Variants in LPO observed in about 807,000 individuals in gnomAD.
LPO encodes the protein salivary peroxidase.
Under a neutral mutation model 68.4 loss-of-function variants are expected in LPO, and 70 were observed. The observed-to-expected ratio is 1.02, with a 90% CI of 0.84 to 1.25. LPO has a LOEUF of 1.25. Ranked by LOEUF, LPO falls within the 50% of genes most tolerant of loss-of-function variation. LPO has a pLI of 0.00. For synonymous variants in LPO, 360 were observed against 357.6 expected (o/e 1.01, Z -0.08); for missense variants, 873 against 908.4 (o/e 0.96, Z 0.50).
Position 58,264,957 on chromosome 17 carries a change from G to A in LPO, c.1502G>A (p.Trp501Ter), listed in dbSNP as rs754608969. 1 of 1,614,174 alleles carries A rather than the reference G, an allele frequency of 6.2e-7. No individual in the cohort carries two copies. Among genetic ancestry groups the A allele is most frequent in the Non-Finnish European group, 8.5e-7 (1 of 1,180,024 alleles). Reference sequence around the variant, plus strand: ...CTCCACACCCTCTTCTTCAACACTTGGAGGATGGTCAAAGATGGTATGCCC... The same window carrying A: ...CTCCACACCCTCTTCTTCAACACTTAGAGGATGGTCAAAGATGGTATGCCC... ...LPLHTLFFNT[W>*]RMVKDGGIDP... The change falls in exon 10 of 13, where the codon TGG becomes TAG. Residue 501 changes from tryptophan (W) to a stop codon, truncating the protein, a stop_gained. Transcript: ENST00000262290. LOFTEE classifies it high-confidence loss of function.
chr17:58,266,107 C>A, intron 10 of LPO, 46 bp from the exon 11 acceptor site: 1 of 1,579,044 alleles, frequency 6.3e-7, no homozygotes, highest in South Asian at 1.1e-5. Context: ...ATGATGTTCC[C>A]ACTCTTCCCC....
chr17:58,249,253 G>A lies in LPO; in HGVS notation c.443+76G>A, dbSNP rs968090161. The A allele has an allele frequency of 2.4e-5, 32 of 1,320,102 alleles. No individual in the cohort carries two copies. The Admixed American group carries it at 2.8e-4, about 11-fold the overall frequency. 81.8% of individuals were successfully genotyped at this position (1,320,102 alleles called of 1,614,324 possible). Reference sequence around the variant, plus strand: ...CCCTGCCAAGGCCTTTGTCCCTTGGGCACTCTAGGCAGATCTGCCACTGCC... The same window carrying A: ...CCCTGCCAAGGCCTTTGTCCCTTGGACACTCTAGGCAGATCTGCCACTGCC... On this transcript the variant is annotated intron_variant, in intron 5 of 12. Transcript: ENST00000262290.
intron 3 of LPO, 160 bp downstream of exon 3, chr17:58,244,241 G>T: frequency 1.6e-6 from 1 of 634,408 alleles, no homozygotes; most frequent in South Asian, 1.8e-5. Flanking sequence ...AGCCCTCCAA[G>T]TACATGACAA....
chr17:58,261,417 T>C (rs8178375), intron 9 of LPO, among the ~76,000 whole-genome samples: 20,615 of 152,180 alleles, frequency 0.14, 1,351 homozygotes, highest in Middle Eastern at 0.16. Flanking sequence ...TATCTGATAT[T>C]AATATAGTCA....
Position 58,267,915 on chromosome 17 carries a change from A to T in LPO, c.2060A>T (p.Asn687Ile). 2.5e-6 allele frequency: 4 copies of T among 1,614,176 alleles called. No individual in the cohort carries two copies. The highest frequency in any genetic ancestry group is 1.1e-5 in the South Asian group (1 of 91,082). The change falls in exon 13 of 13, where the codon AAC becomes ATC. Residue 687 changes from asparagine to isoleucine, a missense_variant. Asn to Ile is a moderately radical substitution (Grantham distance 149). Transcript: ENST00000262290. The stretch of plus-strand genomic sequence containing the variant: ...GTCCCACGGGACCCATTCTGGGCCA[A>T]CAGCTACCCCTATGACTTCGTGGAT... ...TKVPRDPFWA[N>I]SYPYDFVDCS...
At chr17:58,257,214 A>G (rs1368372102) in intron 9 of LPO, among the ~76,000 whole-genome samples, 3 of 151,970 alleles carry the variant, frequency 2.0e-5, no homozygotes, top group African/African-American at 7.2e-5. Flanking sequence ...GATTACAGAC[A>G]TGAGCCACCG....
At chr17:58,264,352 T>C (rs977125712) in intron 9 of LPO, among the ~76,000 whole-genome samples, 2 of 152,198 alleles carry the variant, frequency 1.3e-5, no homozygotes, top group Non-Finnish European at 2.9e-5. Context: ...ATCATTCCTG[T>C]GGTTTATCAT....
intron 9 of LPO, among the ~76,000 whole-genome samples, chr17:58,256,792 A>C (rs1455586392): frequency 1.4e-5 from 2 of 147,112 alleles, no homozygotes; most frequent in African/African-American, 2.5e-5. Context: ...ACACCACTGC[A>C]CTCCAGCCTG....
Position 58,249,558 on chromosome 17 carries a change from G to C in LPO, c.444-8G>C. On this transcript the variant is annotated splice_polypyrimidine_tract_variant and splice_region_variant and intron_variant, in intron 5 of 12. Transcript: ENST00000262290. ...GCCGAAGCTCAGCGAGGATCGTGCT[G>C]GTTTCAGGAGGAAGCCTGCGCTGGG... The C allele has an allele frequency of 6.2e-7, 1 of 1,603,778 alleles. No individual in the cohort carries two copies. Among genetic ancestry groups the C allele is most frequent in the Non-Finnish European group, 8.5e-7 (1 of 1,179,232 alleles).
chr17:58,264,370 G>C (rs921290895), intron 9 of LPO, among the ~76,000 whole-genome samples: 9 of 150,100 alleles, frequency 6.0e-5, no homozygotes, highest in Non-Finnish European at 1.2e-4. Context: ...CATTCCTCTT[G>C]CCCTGACATT....
chr17:58,258,030 G>A (rs1970102977), intron 9 of LPO, among the ~76,000 whole-genome samples: 1 of 152,032 alleles, frequency 6.6e-6, no homozygotes, highest in Non-Finnish European at 1.5e-5. Flanking sequence ...ATATATTCTG[G>A]TTGTTAATCC....
chr17:58,238,768 GGT>G (rs1969704467), intron 1 of LPO, 29 bp downstream of exon 1: 2 of 152,148 alleles, frequency 1.3e-5, no homozygotes, highest in South Asian at 4.1e-4. Context: ...CATCTTTCCT[GGT>G]TTCTGCAAAG....
chr17:58,250,101 C>G (rs1283596404), intron 6 of LPO, among the ~76,000 whole-genome samples: 1 of 152,208 alleles, frequency 6.6e-6, no homozygotes, highest in Non-Finnish European at 1.5e-5. Context: ...GCTCGCATTT[C>G]AGAGGCAGCC....
chr17:58,264,095 A>C (rs1970217767), intron 9 of LPO, among the ~76,000 whole-genome samples: 1 of 152,194 alleles, frequency 6.6e-6, no homozygotes, highest in South Asian at 2.1e-4. Context: ...AAAAAAGCAG[A>C]ATGCACAGGT....
chr17:58,262,959 T>C (rs552861747), intron 9 of LPO, among the ~76,000 whole-genome samples: 2 of 152,206 alleles, frequency 1.3e-5, no homozygotes, highest in African/African-American at 4.8e-5. Flanking sequence ...ACTCCATTGA[T>C]ATGAATGCCA....
chr17:58,248,935 C>A (rs1969902193), intron 4 of LPO, 125 bp from the exon 5 acceptor site: 3 of 759,956 alleles, frequency 3.9e-6, no homozygotes, highest in East Asian at 4.9e-5. Flanking sequence ...ACTTGAGAAA[C>A]GCTTACTTAG....
At chr17:58,266,468 GTT>G in intron 11 of LPO, 142 bp downstream of exon 11, 3 of 820,644 alleles carry the variant, frequency 3.7e-6, no homozygotes, top group Non-Finnish European at 3.5e-6. Context: ...TTTGTTTGAG[GTT>G]TTTTTTTTGA....
intron 6 of LPO, 116 bp downstream of exon 6, chr17:58,249,811 G>T: frequency 2.2e-6 from 3 of 1,361,732 alleles, no homozygotes; most frequent in Non-Finnish European, 2.9e-6. Context: ...GGTGCGCGAT[G>T]GAGATCTGCA....
rs902095015 is a variant in LPO at position 58,239,678 on chromosome 17, G to C, written c.-3+939G>C. Reference sequence around the variant, plus strand: ...CCCCTATCTCCTTGGTGACTGCTCAGCGACATTGAGAACCAAAGTCTGGAA... The same window carrying C: ...CCCCTATCTCCTTGGTGACTGCTCACCGACATTGAGAACCAAAGTCTGGAA... On this transcript the variant is annotated intron_variant, in intron 1 of 12. Transcript: ENST00000262290. Among the ~76,000 whole-genome samples, 2 of 152,170 alleles carry C rather than the reference G, an allele frequency of 1.3e-5. 1 individual carries two copies. Among genetic ancestry groups the C allele is most frequent in the South Asian group, 4.1e-4 (2 of 4,828 alleles).
Sources: allele counts gnomAD v4.1 joint callset (sites outside exome capture counted in the v4.1 genomes callset), GRCh38; gene constraint gnomAD v4.1.1; transcripts MANE v1.5; gene names NCBI Gene and HGNC (gene_info 2026-07-23, HGNC 2026-07-21).